The following SLC12A3 variants were observed in gnomAD, a reference collection of about 807,000 sequenced individuals.
SLC12A3 encodes Na-Cl cotransporter.
A neutral mutation model predicts 121.0 loss-of-function variants in SLC12A3; 104 were observed. That is an observed-to-expected ratio of 0.86 (90% CI 0.73 to 1.01). SLC12A3 has a LOEUF of 1.01. Ranked by LOEUF, SLC12A3 falls within the 50% of genes least tolerant of loss-of-function variation. The pLI is 0.00. For synonymous variants in SLC12A3, 536 were observed against 533.4 expected (o/e 1.00, Z -0.07); for missense variants, 1,328 against 1,356.3 (o/e 0.98, Z 0.33).
At chr16:56,891,201 C>T (rs1230932905) in intron 19 of SLC12A3, among the ~76,000 whole-genome samples, 1 of 151,444 alleles carries the variant, frequency 6.6e-6, no homozygotes, top group Admixed American at 6.6e-5. Flanking sequence ...TAGCAAGACC[C>T]CATCTCTACT....
At chr16:56,904,688 C>A in intron 25 of SLC12A3, 1 of 537,508 alleles carries the variant, frequency 1.9e-6, no homozygotes, top group Non-Finnish European at 3.4e-6. Flanking sequence ...CCTCACGTGT[C>A]CCAGGCATCA....
At chr16:56,909,827 A>G (rs893990840) in intron 25 of SLC12A3, among the ~76,000 whole-genome samples, 6 of 152,148 alleles carry the variant, frequency 3.9e-5, no homozygotes, top group Non-Finnish European at 8.8e-5. Flanking sequence ...CCTCGGTGAA[A>G]TGATTAGATC....
At chr16:56,878,230 C>G in intron 9 of SLC12A3, 69 bp downstream of exon 9, 1 of 1,197,502 alleles carries the variant, frequency 8.4e-7, no homozygotes, top group Non-Finnish European at 1.2e-6. Flanking sequence ...TCCCAAAACC[C>G]TGACCACTGG....
At chr16:56,905,463 C>A (rs1449373014) in intron 25 of SLC12A3, among the ~76,000 whole-genome samples, 8 of 151,844 alleles carry the variant, frequency 5.3e-5, no homozygotes, top group Non-Finnish European at 1.2e-4. Flanking sequence ...TTCCTGGGGG[C>A]CAACCACCTG....
chr16:56,902,505 CA>C lies in SLC12A3; in HGVS notation c.2855del (p.Lys952SerfsTer6). 6.7e-7 allele frequency: 1 copy of C among 1,502,528 alleles called. No individual in the cohort carries two copies. 93.1% of individuals were successfully genotyped at this position (1,502,528 alleles called of 1,614,324 possible). Reference protein sequence around the residue: ...SDEEITKNRVKSLRQVRLNEI... With the variant: ...SDEEITKNRVXSLRQVRLNEI... ...ATGAGGAGATTACGAAGAACAGAGT[CA>C]AGGTGCAGAGAGGGGTGGGGGTGGG... On this transcript the variant is annotated frameshift_variant and splice_region_variant, in exon 24 of 26. Coordinates refer to ENST00000563236, the MANE Select transcript of SLC12A3 (RefSeq NM_001126108.2). LOFTEE classifies it high-confidence loss of function.
chr16:56,899,680 G>A (rs544811472), intron 23 of SLC12A3, 64 bp downstream of exon 23: 20 of 1,194,612 alleles, frequency 1.7e-5, no homozygotes, highest in East Asian at 9.3e-5. Flanking sequence ...CCCCTCTGCC[G>A]GCTGCCCCCT....
chr16:56,879,424 T>C, intron 10 of SLC12A3, 118 bp from the exon 11 acceptor site: 3 of 1,058,042 alleles, frequency 2.8e-6, no homozygotes, highest in Non-Finnish European at 1.4e-6. Flanking sequence ...GGGTGGGTTG[T>C]GGACTCAGGT....
chr16:56,913,232 T>A, intron 25 of SLC12A3, 32 bp from the exon 26 acceptor site: 1 of 1,613,850 alleles, frequency 6.2e-7, no homozygotes, highest in Non-Finnish European at 8.5e-7. Context: ...CCCGTGGTAA[T>A]CTCTCTTCTA....
intron 4 of SLC12A3, 124 bp downstream of exon 4, chr16:56,869,948 T>C: frequency 7.3e-7 from 1 of 1,367,246 alleles, no homozygotes; most frequent in Admixed American, 1.7e-5. Context: ...GAGAGGGCTC[T>C]AGGCAGGCTG....
chr16:56,870,248 G>A lies in SLC12A3; in HGVS notation c.741+13G>A, dbSNP rs374803357. On this transcript the variant is annotated intron_variant, in intron 5 of 25. Transcript: ENST00000563236. ...GGACCTGCTCCAGGTGAGGCCGGGGGGCTGGACCCTGGGTAGAGGGATCCG... is the reference window on the plus strand; with the variant it reads ...GGACCTGCTCCAGGTGAGGCCGGGGAGCTGGACCCTGGGTAGAGGGATCCG... 4 of 1,611,512 alleles carry A rather than the reference G, an allele frequency of 2.5e-6. No individual in the cohort carries two copies. The African/African-American group carries it at 5.3e-5, about 21-fold the overall frequency.
intron 12 of SLC12A3, among the ~76,000 whole-genome samples, 185 bp from the exon 13 acceptor site, chr16:56,882,211 T>C (rs1432409254): frequency 6.6e-6 from 1 of 152,106 alleles, no homozygotes; most frequent in Non-Finnish European, 1.5e-5. Flanking sequence ...ACCATCCCTT[T>C]GAGCTTCACA....
At chr16:56,872,593 G>A (rs1236860088) in intron 7 of SLC12A3, 63 bp from the exon 8 acceptor site, 11 of 1,612,762 alleles carry the variant, frequency 6.8e-6, no homozygotes, top group Non-Finnish European at 9.3e-6. Context: ...CTGCCCAGTG[G>A]GTCCCAGCAA....
chr16:56,880,785 A>G (rs1347016184), intron 12 of SLC12A3, among the ~76,000 whole-genome samples: 1 of 152,186 alleles, frequency 6.6e-6, no homozygotes, highest in Non-Finnish European at 1.5e-5. Flanking sequence ...GGTTCATTAG[A>G]TCAACTTCCT....
chr16:56,893,482 C>T (rs1463281009), intron 21 of SLC12A3, among the ~76,000 whole-genome samples: 4 of 152,182 alleles, frequency 2.6e-5, no homozygotes, highest in South Asian at 2.1e-4. Context: ...TCCAATGGAA[C>T]GAGTCCTATT....
chr16:56,867,545 A>G (rs1676519430), intron 2 of SLC12A3, among the ~76,000 whole-genome samples: 1 of 152,200 alleles, frequency 6.6e-6, no homozygotes, highest in African/African-American at 2.4e-5. Context: ...AATCAAGGAC[A>G]CTTGGCTTTG....
At chr16:56,896,008 T>G (rs9931565) in intron 22 of SLC12A3, among the ~76,000 whole-genome samples, 34,473 of 151,918 alleles carry the variant, frequency 0.23, 4,239 homozygotes, top group African/African-American at 0.33. Flanking sequence ...GATGAGGAGC[T>G]GCTGTAAATA....
chr16:56,891,204 T>C lies in SLC12A3; in HGVS notation c.2368+848T>C, dbSNP rs928191196. On this transcript the variant is annotated intron_variant, in intron 19 of 25. Transcript: ENST00000563236. ...GCCTGGGTAACATAGCAAGACCCCA[T>C]CTCTACTAAAACAAAAAATTAACCA... is the stretch of plus-strand genomic sequence containing the variant. 2.6e-5 allele frequency among the ~76,000 whole-genome samples: 4 copies of C among 151,268 alleles called. No individual in the cohort carries two copies. In the East Asian group the frequency reaches 7.8e-4, roughly 29 times the overall value.
At chr16:56,888,099 AAAG>A (rs1244686732) in intron 18 of SLC12A3, 68 bp downstream of exon 18, 1 of 1,196,194 alleles carries the variant, frequency 8.4e-7, no homozygotes, top group Non-Finnish European at 1.2e-6. Context: ...GAGAAGTGGA[AAAG>A]AAGTAGTGGG....
Position 56,867,802 on chromosome 16 carries a change from A to G in SLC12A3, c.430-495A>G, listed in dbSNP as rs539981592. ...ACTCAGTGGGGCCAGCGACCACACC[A>G]GCCCCTCCCACCTGGAAGCTTCAGC... On this transcript the variant is annotated intron_variant, in intron 2 of 25. Coordinates refer to ENST00000563236, the MANE Select transcript of SLC12A3 (RefSeq NM_001126108.2). 1.5e-4 allele frequency among the ~76,000 whole-genome samples: 23 copies of G among 152,332 alleles called. No homozygotes were observed. In the East Asian group the frequency reaches 4.4e-3, roughly 29 times the overall value.
Sources: gnomAD v4.1 joint callset for allele counts (sites outside exome capture counted in the v4.1 genomes callset) on GRCh38, gnomAD v4.1.1 for gene constraint, MANE v1.5 for transcripts, NCBI Gene and HGNC (gene_info 2026-07-23, HGNC 2026-07-21) for gene names.